PRUNE2: variants seen among roughly 807,000 people sequenced by gnomAD.
PRUNE2 encodes the protein protein prune homolog 2.
In PRUNE2, 164 loss-of-function variants were observed where a neutral mutation model predicts 252.0. The observed-to-expected ratio is 0.65, with a 90% CI of 0.57 to 0.74. The LOEUF (loss-of-function observed/expected upper bound fraction) is 0.74. Ranked by LOEUF, PRUNE2 falls within the 30% of genes least tolerant of loss-of-function variation. The pLI is 0.00. For missense variants in PRUNE2, 3,495 were observed against 3,711.0 expected (o/e 0.94, Z 1.51); for synonymous variants, 1,292 against 1,350.2 (o/e 0.96, Z 0.94).
intron 6 of PRUNE2, among the ~76,000 whole-genome samples, chr9:76,719,009 T>C (rs1243957519): frequency 2.0e-5 from 3 of 152,202 alleles, no homozygotes; most frequent in African/African-American, 4.8e-5. Flanking sequence ...TTCATCTCCA[T>C]TGCTGTCCTA....
intron 6 of PRUNE2, among the ~76,000 whole-genome samples, chr9:76,812,548 G>A (rs767113094): frequency 2.0e-5 from 3 of 152,196 alleles, no homozygotes; most frequent in Admixed American, 6.5e-5. Context: ...CTTCTACTAC[G>A]ATATCTCACA....
chr9:76,649,337 T>C (rs1258829485), intron 11 of PRUNE2, among the ~76,000 whole-genome samples: 1 of 119,880 alleles, frequency 8.3e-6, no homozygotes, highest in Non-Finnish European at 1.7e-5. Context: ...TCTATACAGA[T>C]TGTTCTATAA....
At chr9:76,785,636 A>T (rs2054897092) in intron 6 of PRUNE2, 1 of 152,098 alleles carries the variant, frequency 6.6e-6, no homozygotes, top group East Asian at 1.9e-4. Context: ...CTTGTAGTTA[A>T]TTGAAAGAAA....
intron 6 of PRUNE2, among the ~76,000 whole-genome samples, chr9:76,732,884 C>T (rs2048753954): frequency 6.6e-6 from 1 of 152,162 alleles, no homozygotes; most frequent in Admixed American, 6.5e-5. Context: ...CAACTCTGTT[C>T]TCACTCTCAT....
chr9:76,688,739 T>C (rs1383446662), intron 9 of PRUNE2, among the ~76,000 whole-genome samples: 1 of 152,200 alleles, frequency 6.6e-6, no homozygotes, highest in Non-Finnish European at 1.5e-5. Context: ...ACATCAGCTT[T>C]CCATTGCTGA....
chr9:76,846,456 C>G (rs1386231073), intron 4 of PRUNE2, 59 bp downstream of exon 4: 6 of 1,414,820 alleles, frequency 4.2e-6, no homozygotes, highest in South Asian at 1.4e-5. Context: ...TCTACATGAG[C>G]AGGCTGGGAG....
At chr9:76,783,482 G>A (rs931688620) in intron 6 of PRUNE2, among the ~76,000 whole-genome samples, 1 of 152,156 alleles carries the variant, frequency 6.6e-6, no homozygotes, top group Non-Finnish European at 1.5e-5. Flanking sequence ...TCAAGAGAAT[G>A]GTGTGTGTCA....
chr9:76,829,286 T>C (rs1270866496), intron 4 of PRUNE2, among the ~76,000 whole-genome samples: 2 of 152,146 alleles, frequency 1.3e-5, no homozygotes, highest in Non-Finnish European at 2.9e-5. Flanking sequence ...TGCTAATTCA[T>C]AAGTGATAAA....
At chr9:76,883,065 C>T (rs772969892) in intron 1 of PRUNE2, among the ~76,000 whole-genome samples, 2 of 152,158 alleles carry the variant, frequency 1.3e-5, no homozygotes, top group African/African-American at 2.4e-5. Flanking sequence ...CTTTTGTATA[C>T]GTGACTCCAT....
chr9:76,735,058 A>G (rs1202724340), intron 6 of PRUNE2, among the ~76,000 whole-genome samples: 1 of 152,114 alleles, frequency 6.6e-6, no homozygotes, highest in East Asian at 1.9e-4. Context: ...AGAGAGGAAT[A>G]TCCCTGAGGA....
intron 4 of PRUNE2, among the ~76,000 whole-genome samples, chr9:76,841,216 G>A (rs187488818): frequency 5.1e-4 from 78 of 152,120 alleles, no homozygotes; most frequent in African/African-American, 1.4e-3. Context: ...ACAAGGGGTC[G>A]GGGAACTCCC....
chr9:76,631,617 CA>C (rs1295021791), intron 15 of PRUNE2, among the ~76,000 whole-genome samples: 1 of 152,230 alleles, frequency 6.6e-6, no homozygotes, highest in Non-Finnish European at 1.5e-5. Flanking sequence ...TCCTTAAGGA[CA>C]GCAATCGAGC....
chr9:76,769,512 GC>G (rs1564259905), intron 6 of PRUNE2, among the ~76,000 whole-genome samples: 9 of 151,816 alleles, frequency 5.9e-5, no homozygotes, highest in African/African-American at 2.2e-4. Flanking sequence ...CGCAACCTCC[GC>G]CCCCCGGGTT....
chr9:76,624,450 A>T lies in PRUNE2; in HGVS notation c.9188+2T>A. The T allele has an allele frequency of 7.0e-7, 1 of 1,427,926 alleles. No homozygotes were observed. Among genetic ancestry groups the T allele is most frequent in the Non-Finnish European group, 9.2e-7 (1 of 1,084,872 alleles). 88.5% of individuals were successfully genotyped at this position (1,427,926 alleles called of 1,614,324 possible). ...AGCCGCTAAACGAAAACCAAGTCTT[A>T]CTTAGCTGCCTCTGATGCTTCCCTC... On this transcript the variant is annotated splice_donor_variant, in intron 17 of 18. Transcript: ENST00000376718. LOFTEE classifies it high-confidence loss of function.
In PRUNE2 at chr9:76,711,060, T is replaced by G. The variant is rs762641643; in HGVS notation, c.1214A>C (p.Asn405Thr). ...GTTAGAATCATTGAGATCTGGAGGG[T>G]TCTCTATGAAATTCACAGAGCTGGG... ...PQPSSVNFIE[N>T]PPDLNDSNQA... Residue 405 changes from asparagine to threonine, a missense_variant, in exon 8 of 19, where the codon AAC becomes ACC. Physicochemically the swap from Asn to Thr is moderately conservative, Grantham distance 65. Coordinates refer to ENST00000376718, the MANE Select transcript of PRUNE2 (RefSeq NM_015225.3). The G allele has an allele frequency of 6.2e-7, 1 of 1,613,946 alleles. No homozygotes were observed. The highest frequency in any genetic ancestry group is 8.5e-7 in the Non-Finnish European group (1 of 1,179,868).
chr9:76,879,637 A>T (rs971290880), intron 1 of PRUNE2, among the ~76,000 whole-genome samples: 1 of 151,874 alleles, frequency 6.6e-6, no homozygotes, highest in Non-Finnish European at 1.5e-5. Context: ...TTGGAAAGGG[A>T]ACAATATTTT....
chr9:76,745,217 G>C (rs1260020716), intron 6 of PRUNE2, among the ~76,000 whole-genome samples: 1 of 152,122 alleles, frequency 6.6e-6, no homozygotes, highest in Non-Finnish European at 1.5e-5. Flanking sequence ...AACTTTGGGG[G>C]ACATTAAGTT....
chr9:76,660,798 A>AAAAAAAAAAG, intron 9 of PRUNE2, among the ~76,000 whole-genome samples: 1 of 141,026 alleles, frequency 7.1e-6, no homozygotes. Flanking sequence ...AAAAAAAAAA[A>AAAAAAAAAAG]AAAGAAAGAA....
At chr9:76,771,860 C>T (rs576604777) in intron 6 of PRUNE2, among the ~76,000 whole-genome samples, 165 of 152,056 alleles carry the variant, frequency 1.1e-3, no homozygotes, top group Non-Finnish European at 2.0e-3. Flanking sequence ...GCAGACCACA[C>T]CCTAAGTGAG....
Sources: allele counts gnomAD v4.1 joint callset (sites outside exome capture counted in the v4.1 genomes callset), GRCh38; gene constraint gnomAD v4.1.1; transcripts MANE v1.5; gene names NCBI Gene and HGNC (gene_info 2026-07-23, HGNC 2026-07-21).